ZNF746: variants seen among roughly 807,000 people sequenced by gnomAD.
ZNF746 encodes zinc finger protein 746.
Under a neutral mutation model 41.0 loss-of-function variants are expected in ZNF746, and 13 were observed. That is an observed-to-expected ratio of 0.32 (90% CI 0.21 to 0.50). ZNF746 has a LOEUF of 0.50. Ranked by LOEUF, ZNF746 falls within the 20% of genes least tolerant of loss-of-function variation. The probability of loss-of-function intolerance (pLI) is 0.98; values close to 1 mark genes in which losing one functional copy is unlikely to be tolerated. For synonymous variants in ZNF746, 424 were observed against 396.2 expected (o/e 1.07, Z -0.83); for missense variants, 811 against 922.9 (o/e 0.88, Z 1.57).
chr7:149,488,690 T>C (rs1800699477), intron 4 of ZNF746: 1 of 152,214 alleles, frequency 6.6e-6, no homozygotes. Flanking sequence ...AATGTAATTA[T>C]GGAAACTGGG....
At chr7:149,493,821 T>C (rs1800892553) in intron 3 of ZNF746, among the ~76,000 whole-genome samples, 168 bp downstream of exon 3, 1 of 152,104 alleles carries the variant, frequency 6.6e-6, no homozygotes, top group Non-Finnish European at 1.5e-5. Context: ...AGAAGGGAGC[T>C]TTTAACTCCA....
chr7:149,474,446 G>A lies in ZNF746; in HGVS notation c.1921C>T (p.Leu641Phe). ...AGGCCACAAGTCCAGTCGGTCACAA[G>A]GTCTGTGGAGGCCAAAGGTCCTTTG... Reference protein sequence around the residue: ...ASKGPLASTDLVTDWTCGLSV... With the variant: ...ASKGPLASTDFVTDWTCGLSV... The change falls in exon 7 of 7, where the codon CTT becomes TTT. Residue 641 changes from leucine (L) to phenylalanine (F), a missense_variant. This residue lies in a region of ZNF746 where 99 missense variants were observed against 80.3 expected (regional missense o/e 1.23). Transcript: ENST00000458143. This position sits in a 1 kb window ranked among gnomAD's most constrained non-coding sequence, Gnocchi z 6.3. 6.2e-7 allele frequency: 1 copy of A among 1,611,514 alleles called. No individual in the cohort carries two copies.
chr7:149,475,221 C>G lies in ZNF746; in HGVS notation c.1146G>C (p.Glu382Asp), dbSNP rs778694770. 2 of 1,613,052 alleles carry G rather than the reference C, an allele frequency of 1.2e-6. No homozygotes were observed. The highest frequency in any genetic ancestry group is 1.7e-6 in the Non-Finnish European group (2 of 1,179,794). ...GELSPAVAQE[E>D]TPPGDWLFGG... ...CGAAGAGCCAGTCCCCAGGAGGGGT[C>G]TCCTCCTGGGCCACAGCAGGACTGA... Residue 382 changes from glutamate to aspartate, a missense_variant, in exon 7 of 7, where the codon GAG (glutamate) becomes GAC (aspartate). Physicochemically the swap from Glu to Asp is conservative, Grantham distance 45 (BLOSUM62 2). This residue lies in a region of ZNF746 where 495 missense variants were observed against 481.6 expected (regional missense o/e 1.03). Coordinates refer to ENST00000458143, the MANE Select transcript of ZNF746 (RefSeq NM_001394198.1).
intron 5 of ZNF746, 120 bp downstream of exon 5, chr7:149,477,444 T>A (rs1800342987): frequency 2.4e-6 from 3 of 1,234,402 alleles, no homozygotes; most frequent in African/African-American, 1.5e-5. Context: ...GGAAAATTTC[T>A]AAAGTTGTCA....
chr7:149,481,564 T>A (rs1223568318), intron 4 of ZNF746, among the ~76,000 whole-genome samples: 1 of 152,176 alleles, frequency 6.6e-6, no homozygotes, highest in Non-Finnish European at 1.5e-5. Flanking sequence ...ACTCACTGTA[T>A]AGGGATGAAA....
At chr7:149,487,398 G>A (rs1266477796) in intron 4 of ZNF746, among the ~76,000 whole-genome samples, 2 of 152,170 alleles carry the variant, frequency 1.3e-5, no homozygotes, top group Non-Finnish European at 2.9e-5. Context: ...AAAAGCCAAA[G>A]GCAAAAATCA....
At position 149,497,022 on chromosome 7, in the gene ZNF746, G is replaced by C; in HGVS notation, c.24+491C>G. The C allele has an allele frequency of 3.0e-6, 3 of 985,428 alleles. No homozygotes were observed. In the South Asian group the frequency reaches 1.4e-4, roughly 46 times the overall value. 61.0% of individuals were successfully genotyped at this position (985,428 alleles called of 1,614,324 possible). On this transcript the variant is annotated intron_variant, in intron 1 of 6. Coordinates refer to ENST00000458143, the MANE Select transcript of ZNF746 (RefSeq NM_001394198.1). The surrounding 1 kb of genome is among the most constrained non-coding windows in gnomAD (Gnocchi z 4.2). Reference sequence around the variant, plus strand: ...AGACTAACGCCTCAACAGGGCTTGTGGAAGTGCGTGGCTCTATATTCCCTT... The same window carrying C: ...AGACTAACGCCTCAACAGGGCTTGTCGAAGTGCGTGGCTCTATATTCCCTT...
At position 149,474,694 on chromosome 7, in the gene ZNF746, T is replaced by C. The variant is rs1324030772; in HGVS notation, c.1673A>G (p.Glu558Gly). The C allele has an allele frequency of 1.2e-6, 2 of 1,612,850 alleles. No homozygotes were observed. Among genetic ancestry groups the C allele is most frequent in the Middle Eastern group, 1.6e-4 (1 of 6,062 alleles). Reference sequence around the variant, plus strand: ...GCGTTCGGTGAAGCGCTTCTCACACTCGGTGCAGGGGAAGGGCCGCTCGCC... The same window carrying C: ...GCGTTCGGTGAAGCGCTTCTCACACCCGGTGCAGGGGAAGGGCCGCTCGCC... Reference protein sequence around the residue: ...HTGERPFPCTECEKRFTERSK... With the variant: ...HTGERPFPCTGCEKRFTERSK... The change falls in exon 7 of 7, where the codon GAG becomes GGG. Residue 558 changes from glutamate (E) to glycine (G), a missense_variant. Transcript: ENST00000458143. This position sits in a 1 kb window ranked among gnomAD's most constrained non-coding sequence, Gnocchi z 6.3.
intron 4 of ZNF746, among the ~76,000 whole-genome samples, chr7:149,484,915 T>G: frequency 6.6e-6 from 1 of 152,042 alleles, no homozygotes; most frequent in East Asian, 1.9e-4. Context: ...TTTTTCTTCC[T>G]TATCAAGGGT....
chr7:149,486,737 C>T (rs984388840), intron 4 of ZNF746, among the ~76,000 whole-genome samples: 1 of 152,116 alleles, frequency 6.6e-6, no homozygotes, highest in Non-Finnish European at 1.5e-5. Context: ...TCTGAATTTT[C>T]AGTTTATGTA....
In ZNF746 at chr7:149,473,305, T is replaced by C. The variant is rs1800161232; in HGVS notation, c.*1079A>G. The C allele has an allele frequency of 6.6e-6, 1 of 152,026 alleles. No individual in the cohort carries two copies. 9.4% of individuals were successfully genotyped at this position (152,026 alleles called of 1,614,324 possible). On this transcript the variant is annotated 3_prime_UTR_variant, in exon 7 of 7. Coordinates refer to ENST00000458143, the MANE Select transcript of ZNF746 (RefSeq NM_001394198.1). The stretch of plus-strand genomic sequence containing the variant: ...CCTGGAAATCTCTGTTCACCCACAG[T>C]GATGTTCCAGTAGAATGAGGCATCT...
chr7:149,486,500 C>G (rs1562990007), intron 4 of ZNF746, among the ~76,000 whole-genome samples: 1 of 151,032 alleles, frequency 6.6e-6, no homozygotes, highest in African/African-American at 2.4e-5. Flanking sequence ...TCACAAAATA[C>G]AAAACTGTAA....
At chr7:149,491,636 A>G (rs147537868) in intron 4 of ZNF746, 89 of 522,432 alleles carry the variant, frequency 1.7e-4, no homozygotes, top group African/African-American at 9.3e-4. Flanking sequence ...TGCCCTTAGG[A>G]AAGTGCAAAT....
chr7:149,481,694 C>G (rs1271193498), intron 4 of ZNF746, among the ~76,000 whole-genome samples: 2 of 152,084 alleles, frequency 1.3e-5, no homozygotes, highest in African/African-American at 4.8e-5. Flanking sequence ...TCTAAAGATT[C>G]CTCTATAACA....
At chr7:149,483,919 T>TA (rs1310958000) in intron 4 of ZNF746, among the ~76,000 whole-genome samples, 1 of 152,174 alleles carries the variant, frequency 6.6e-6, no homozygotes, top group South Asian at 2.1e-4. Context: ...ATTTAAAAGA[T>TA]ATAGAGGATA....
intron 4 of ZNF746, among the ~76,000 whole-genome samples, chr7:149,478,438 C>A (rs1800384425): frequency 6.6e-6 from 1 of 152,212 alleles, no homozygotes; most frequent in South Asian, 2.1e-4. Context: ...CCCATAAAAA[C>A]TTGGAATCCC....
chr7:149,495,624 A>C (rs1268750897), intron 1 of ZNF746, among the ~76,000 whole-genome samples: 1 of 152,206 alleles, frequency 6.6e-6, no homozygotes, highest in East Asian at 1.9e-4. Context: ...TAATTCCTCA[A>C]CAAAAGGTTG....
rs1362614776 is a variant in ZNF746 at position 149,473,262 on chromosome 7, ATAT to A, written c.*1119_*1121del. ...CTGGACTCTTGTCGGTGTGGGACAA[ATAT>A]TTTAAGAGGGAAAACCTGGAAATCT... On this transcript the variant is annotated 3_prime_UTR_variant, in exon 7 of 7. Coordinates refer to ENST00000458143, the MANE Select transcript of ZNF746 (RefSeq NM_001394198.1). 6.6e-6 allele frequency: 1 copy of A among 152,064 alleles called. No homozygotes were observed. The highest frequency in any genetic ancestry group is 2.4e-5 in the African/African-American group (1 of 41,400). The allele number at this position is 152,064 out of a possible 1,614,324, so 9.4% of individuals were successfully genotyped here.
At position 149,497,291 on chromosome 7, in the gene ZNF746, G is replaced by A; in HGVS notation, c.24+222C>T. ...TTGGCGTGGGGCGGCCCGGGGCGGG[G>A]ACAACCGTTCCGCCAGCGCTCGGGT... On this transcript the variant is annotated intron_variant, in intron 1 of 6. Coordinates refer to ENST00000458143, the MANE Select transcript of ZNF746 (RefSeq NM_001394198.1). The surrounding 1 kb of genome is among the most constrained non-coding windows in gnomAD (Gnocchi z 4.2). 7 of 985,094 alleles carry A rather than the reference G, an allele frequency of 7.1e-6. No homozygotes were observed. The highest frequency in any genetic ancestry group is 8.4e-6 in the Non-Finnish European group (7 of 829,774). The allele number at this position is 985,094 out of a possible 1,614,324, so 61.0% of individuals were successfully genotyped here. A position where few individuals can be genotyped will look rare whatever the true frequency, so the allele number is the denominator to read the frequency against.
Sources: allele counts gnomAD v4.1 joint callset (sites outside exome capture counted in the v4.1 genomes callset), GRCh38; gene constraint gnomAD v4.1.1; regional missense constraint gnomAD v4.1.1; non-coding constraint Gnocchi (gnomAD v3.1); transcripts MANE v1.5; gene names NCBI Gene and HGNC (gene_info 2026-07-23, HGNC 2026-07-21).